Variants in PDE4D observed in about 807,000 individuals in gnomAD.
PDE4D encodes the protein phosphodiesterase 4D.
A neutral mutation model predicts 87.4 loss-of-function variants in PDE4D; 24 were observed. The observed-to-expected ratio is 0.27, with a 90% CI of 0.20 to 0.39. The LOEUF (loss-of-function observed/expected upper bound fraction) is 0.39. Among genes scored for constraint, PDE4D ranks in the 10% least tolerant of loss-of-function variants. The pLI, the probability that PDE4D is intolerant of heterozygous loss-of-function variation, is 1.00. For missense variants in PDE4D, 714 were observed against 1,041.0 expected, an observed-to-expected ratio of 0.69 and a Z score of 4.32; for synonymous variants, 384 against 383.2, an observed-to-expected ratio of 1.00 and a Z score of -0.02.
At chr5:60,386,617 C>T (rs1030515711) in intron 1 of PDE4D, among the ~76,000 whole-genome samples, 11 of 152,326 alleles carry the variant, frequency 7.2e-5, no homozygotes, top group Middle Eastern at 3.4e-3. Flanking sequence ...CAGCATTGGG[C>T]AGGGGCAGCC....
chr5:59,896,761 G>A (rs1003233230), upstream of PDE4D, among the ~76,000 whole-genome samples: 10 of 152,118 alleles, frequency 6.6e-5, no homozygotes, highest in African/African-American at 1.9e-4. Flanking sequence ...TATAAGCAAA[G>A]TTCTCATGAA....
chr5:60,080,685 T>C (rs1582551842), intron 2 of PDE4D, among the ~76,000 whole-genome samples: 2 of 152,246 alleles, frequency 1.3e-5, no homozygotes, highest in Non-Finnish European at 2.9e-5. Context: ...ATTACATGTA[T>C]TGATTTTCAT....
At chr5:60,240,155 A>G (rs1040042496) in intron 1 of PDE4D, among the ~76,000 whole-genome samples, 3 of 151,992 alleles carry the variant, frequency 2.0e-5, no homozygotes, top group African/African-American at 7.2e-5. Context: ...TATACTTTAT[A>G]TTTGCTTTGC....
At chr5:59,762,637 TAC>T (rs1410059015) in intron 1 of PDE4D, among the ~76,000 whole-genome samples, 23 of 129,160 alleles carry the variant, frequency 1.8e-4, no homozygotes, top group African/African-American at 6.7e-4. Flanking sequence ...TGTATATGGG[TAC>T]ACATATGTGT....
chr5:60,107,879 A>T (rs1777186767), intron 2 of PDE4D, among the ~76,000 whole-genome samples: 1 of 152,208 alleles, frequency 6.6e-6, no homozygotes, highest in African/African-American at 2.4e-5. Flanking sequence ...AGACCTATGT[A>T]TGACAAACCC....
At chr5:59,901,923 A>AACACACACACAC (rs59453461) in intron 3 of PDE4D, among the ~76,000 whole-genome samples, 43 of 134,336 alleles carry the variant, frequency 3.2e-4, no homozygotes, top group East Asian at 1.4e-3. Flanking sequence ...CTTACATGCA[A>AACACACACACAC]ACACACACAC....
intron 1 of PDE4D, among the ~76,000 whole-genome samples, chr5:60,393,682 T>G (rs900769651): frequency 6.6e-6 from 1 of 152,176 alleles, no homozygotes; most frequent in African/African-American, 2.4e-5. Flanking sequence ...ACAGCAAATA[T>G]CCCTGGATTC....
chr5:59,562,124 A>G (rs1297644279), intron 1 of PDE4D, among the ~76,000 whole-genome samples: 1 of 151,942 alleles, frequency 6.6e-6, no homozygotes, highest in Non-Finnish European at 1.5e-5. Context: ...GAAAGCCCAA[A>G]GTGTTTTTTG....
chr5:59,472,351 G>C (rs1026851137), intron 1 of PDE4D, among the ~76,000 whole-genome samples: 9 of 152,172 alleles, frequency 5.9e-5, no homozygotes, highest in Non-Finnish European at 1.3e-4. Flanking sequence ...GGAAAGAAGA[G>C]AGAGTGGAAA....
intron 1 of PDE4D, among the ~76,000 whole-genome samples, chr5:59,427,817 CAAA>C (rs11356537): frequency 1.4e-4 from 9 of 66,614 alleles, no homozygotes; most frequent in African/African-American, 1.2e-4. Flanking sequence ...GACCCTGTCT[CAAA>C]AAAAAAAAAA....
intron 1 of PDE4D, among the ~76,000 whole-genome samples, chr5:59,579,823 T>C (rs2153699446): frequency 6.6e-6 from 1 of 152,324 alleles, no homozygotes; most frequent in South Asian, 2.1e-4. Flanking sequence ...GTGTGACACC[T>C]TTCCTAATAT....
chr5:59,503,260 G>A (rs537306498), intron 1 of PDE4D, among the ~76,000 whole-genome samples: 1 of 152,116 alleles, frequency 6.6e-6, no homozygotes, highest in Non-Finnish European at 1.5e-5. Context: ...TAGAAATATA[G>A]GGGAAACTGT....
At chr5:60,385,316 G>T (rs777654758) in intron 1 of PDE4D, among the ~76,000 whole-genome samples, 1 of 152,164 alleles carries the variant, frequency 6.6e-6, no homozygotes, top group African/African-American at 2.4e-5. Flanking sequence ...CAATGTCACC[G>T]GGAACCTCCA....
intron 1 of PDE4D, among the ~76,000 whole-genome samples, chr5:59,877,471 C>T (rs1239780522): frequency 1.6e-5 from 2 of 126,338 alleles, no homozygotes; most frequent in African/African-American, 3.3e-5. Flanking sequence ...CACATGTATG[C>T]CAGAACCTAA....
chr5:59,388,766 A>G (rs1024050060), intron 1 of PDE4D, among the ~76,000 whole-genome samples: 5 of 152,038 alleles, frequency 3.3e-5, no homozygotes, highest in African/African-American at 1.2e-4. Flanking sequence ...AATGACATGA[A>G]CCTAATATTA....
At chr5:59,074,962 A>C (rs1211261610) in intron 5 of PDE4D, among the ~76,000 whole-genome samples, 2 of 152,012 alleles carry the variant, frequency 1.3e-5, no homozygotes, top group Non-Finnish European at 2.9e-5. Context: ...TTTTACTAAG[A>C]GTAAGTATAA....
upstream of PDE4D, chr5:60,489,711 G>A (rs1277612686): frequency 2.0e-5 from 3 of 152,176 alleles, no homozygotes; most frequent in African/African-American, 7.2e-5. Context: ...AAGGAAGCCA[G>A]GTTGTTAGAA....
At chr5:60,285,399 T>A (rs928636458) in intron 1 of PDE4D, among the ~76,000 whole-genome samples, 2 of 151,978 alleles carry the variant, frequency 1.3e-5, no homozygotes, top group African/African-American at 4.8e-5. Flanking sequence ...GAATAAGGAT[T>A]CGGCTGTTGC....
At chr5:59,110,908 AC>A (rs1405462747) in intron 5 of PDE4D, among the ~76,000 whole-genome samples, 1 of 152,278 alleles carries the variant, frequency 6.6e-6, no homozygotes, top group African/African-American at 2.4e-5. Flanking sequence ...GTTAGGAAGC[AC>A]AAGGTCTCAC....
Sources: gnomAD v4.1 joint callset for allele counts (sites outside exome capture counted in the v4.1 genomes callset) on GRCh38, gnomAD v4.1.1 for gene constraint, MANE v1.5 for transcripts, NCBI Gene and HGNC (gene_info 2026-07-23, HGNC 2026-07-21) for gene names.